Variants in ATRX observed in about 807,000 individuals in gnomAD.
ATRX encodes the protein ATRX chromatin remodeler.
In ATRX, 12 loss-of-function variants were observed where a neutral mutation model predicts 172.6. That is an observed-to-expected ratio of 0.07 (90% CI 0.04 to 0.11). ATRX has a LOEUF of 0.11. ATRX is among the 10% of genes least tolerant of loss of function. The pLI, the probability that ATRX is intolerant of heterozygous loss-of-function variation, is 1.00. For synonymous variants in ATRX, 674 were observed against 594.7 expected (o/e 1.13, Z -1.94); for missense variants, 1,368 against 1,767.4 (o/e 0.77, Z 4.05).
At chrX:77,631,111 T>C (rs994962137) in intron 19 of ATRX, among the ~76,000 whole-genome samples, 16 of 106,003 alleles carry the variant, frequency 1.5e-4, no homozygotes, top group African/African-American at 4.8e-4. Flanking sequence ...AGTAATAAAG[T>C]GCTCAAAGCC....
rs1354608060 is a variant in ATRX at position 77,505,618 on chromosome X, A to G, written c.*2733T>C. ...ATTAAATAACTAAATGTGCAAAAGA[A>G]CCACCATTATATAGGACAACAAAAG... On this transcript the variant is annotated 3_prime_UTR_variant, in exon 35 of 35. Coordinates refer to ENST00000373344, the MANE Select transcript of ATRX (RefSeq NM_000489.6). The G allele has an allele frequency of 1.2e-5, 2 of 172,118 alleles. No homozygotes were observed. The highest frequency in any genetic ancestry group is 5.9e-5 in the African/African-American group (2 of 33,782). The allele number at this position is 172,118 out of a possible 1,213,427, so 14.2% of individuals were successfully genotyped here.
intron 27 of ATRX, among the ~76,000 whole-genome samples, chrX:77,579,238 C>G (rs1053544704): frequency 8.9e-6 from 1 of 112,470 alleles, no homozygotes; most frequent in African/African-American, 3.2e-5. Flanking sequence ...AGGGAAAGAC[C>G]CAGTACTGGC....
chrX:77,684,216 A>G lies in ATRX; in HGVS notation c.1040T>C (p.Ile347Thr). ...GSVTYSYSAL[I>T]VPKEMIKKAK... Reference sequence around the variant, plus strand: ...CTTCTTAATCATCTCTTTGGGCACAATTAGTGCGGAATAAGAGTAGGTTAC... The same window carrying G: ...CTTCTTAATCATCTCTTTGGGCACAGTTAGTGCGGAATAAGAGTAGGTTAC... Residue 347 changes from isoleucine (I) to threonine (T), a missense_variant, in exon 9 of 35, where the codon ATT becomes ACT. Physicochemically the swap from Ile to Thr is moderately conservative, Grantham distance 89 (BLOSUM62 -1). Around this residue, in one of 17 missense-constraint regions of ATRX, gnomAD observed 843 missense variants for 643.1 expected, o/e 1.31. Coordinates refer to ENST00000373344, the MANE Select transcript of ATRX (RefSeq NM_000489.6). The G allele has an allele frequency of 3.3e-6, 4 of 1,211,446 alleles. No individual in the cohort carries two copies. The highest frequency in any genetic ancestry group is 3.4e-6 in the Non-Finnish European group (3 of 895,365).
rs782004945 is a variant in ATRX at position 77,682,493 on chromosome X, G to A, written c.2763C>T (p.Val921=). 17 of 1,209,270 alleles carry A rather than the reference G, an allele frequency of 1.4e-5. No homozygotes were observed. Among genetic ancestry groups the A allele is most frequent in the Admixed American group, 6.6e-5 (3 of 45,684 alleles). Residue 921 remains valine, a synonymous_variant, in exon 9 of 35, where the codon GTC becomes GTT. Transcript: ENST00000373344. ...TCTCCTCTTTCCCAGAAAGCTTATC[G>A]ACACCATCAGTGGAAGCACTTGCTT... ...KQQASASTDG[V]DKLSGKEESF... is the part of the protein sequence containing the mutation.
chrX:77,556,268 AG>A (rs1557058959), intron 30 of ATRX, among the ~76,000 whole-genome samples: 10 of 37,960 alleles, frequency 2.6e-4, no homozygotes, highest in African/African-American at 1.1e-3. Context: ...AGAGGGAGAG[AG>A]GGAGAGAGGG....
intron 15 of ATRX, among the ~76,000 whole-genome samples, chrX:77,647,221 G>A (rs1260599809): frequency 8.9e-6 from 1 of 111,804 alleles, no homozygotes; most frequent in Non-Finnish European, 1.9e-5. Context: ...TGAGACAAAT[G>A]AAAGTTAAAA....
intron 1 of ATRX, among the ~76,000 whole-genome samples, chrX:77,748,384 T>TG (rs1233871348): frequency 9.1e-6 from 1 of 110,460 alleles, no homozygotes; most frequent in Non-Finnish European, 1.9e-5. Flanking sequence ...GTGATTGGGC[T>TG]GGGGGGTGGT....
At chrX:77,693,980 T>G in intron 5 of ATRX, 43 bp from the exon 6 acceptor site, 2 of 1,017,886 alleles carry the variant, frequency 2.0e-6, no homozygotes, top group Non-Finnish European at 2.8e-6. Context: ...ATATTAAATG[T>G]GCAAGTGAAG....
At chrX:77,548,297 T>A (rs1420995945) in intron 30 of ATRX, among the ~76,000 whole-genome samples, 1 of 111,771 alleles carries the variant, frequency 8.9e-6, no homozygotes, top group Non-Finnish European at 1.9e-5. Context: ...CGTTATTTTT[T>A]CTGGTGGTCT....
Position 77,534,068 on chromosome X carries a change from T to C in ATRX, c.6700-10667A>G, listed in dbSNP as rs1304428487. On this transcript the variant is annotated intron_variant, in intron 30 of 34. Transcript: ENST00000373344. Reference sequence around the variant, plus strand: ...TTCTTTATATGATTATGCCAAAAAATTCAAAGACTAAAGATAAGCATGCTT... The same window carrying C: ...TTCTTTATATGATTATGCCAAAAAACTCAAAGACTAAAGATAAGCATGCTT... Among the ~76,000 whole-genome samples the C allele has an allele frequency of 8.0e-5, 9 of 112,048 alleles. No homozygotes were observed. The Admixed American group carries it at 8.6e-4, about 11-fold the overall frequency.
intron 1 of ATRX, among the ~76,000 whole-genome samples, chrX:77,772,537 C>T (rs1463763869): frequency 2.9e-5 from 3 of 104,936 alleles, no homozygotes; most frequent in African/African-American, 6.9e-5. Flanking sequence ...CGGGCAGTGG[C>T]GCCATCTCGG....
chrX:77,509,401 C>T (rs782004950), intron 34 of ATRX, among the ~76,000 whole-genome samples: 1 of 111,870 alleles, frequency 8.9e-6, no homozygotes, highest in African/African-American at 3.3e-5. Context: ...CTCCACTGAT[C>T]GTCCTCCCCG....
rs1282103516 is a variant in ATRX, at chrX:77,507,246, T to C, written c.*1105A>G. On this transcript the variant is annotated 3_prime_UTR_variant, in exon 35 of 35. Coordinates refer to ENST00000373344, the MANE Select transcript of ATRX (RefSeq NM_000489.6). Reference sequence around the variant, plus strand: ...GTAAGGAAACTGGGGTAAAAGAACATGATGATGAGAGAAAAGAAGCGCATA... The same window carrying C: ...GTAAGGAAACTGGGGTAAAAGAACACGATGATGAGAGAAAAGAAGCGCATA... 1.2e-5 allele frequency: 2 copies of C among 170,283 alleles called. No individual in the cohort carries two copies. Among genetic ancestry groups the C allele is most frequent in the Non-Finnish European group, 2.2e-5 (2 of 89,631 alleles). The allele number at this position is 170,283 out of a possible 1,213,427, so 14.0% of individuals were successfully genotyped here. A position where few individuals can be genotyped will look rare whatever the true frequency, so the allele number is the denominator to read the frequency against.
chrX:77,669,059 A>C (rs949425179), intron 10 of ATRX, among the ~76,000 whole-genome samples: 2 of 111,762 alleles, frequency 1.8e-5, no homozygotes, highest in Admixed American at 9.5e-5. Flanking sequence ...GCCATTAACA[A>C]AAGCAATACA....
chrX:77,707,063 A>G (rs2072866944), intron 2 of ATRX, among the ~76,000 whole-genome samples: 2 of 112,902 alleles, frequency 1.8e-5, no homozygotes, highest in African/African-American at 6.4e-5. Flanking sequence ...ATTTTGAGAT[A>G]TACTACAACA....
intron 32 of ATRX, chrX:77,521,743 CA>C (rs1238383976): frequency 3.5e-6 from 1 of 285,116 alleles, no homozygotes; most frequent in African/African-American, 2.7e-5. Context: ...CAGAAGAATC[CA>C]TAAGCACATT....
intron 6 of ATRX, among the ~76,000 whole-genome samples, chrX:77,689,549 A>AAGAC (rs2071769793): frequency 8.9e-6 from 1 of 112,495 alleles, no homozygotes; most frequent in Non-Finnish European, 1.9e-5. Context: ...AAAGACAAAC[A>AAGAC]AGACATTGCA....
chrX:77,702,807 G>C (rs781904357), intron 2 of ATRX, among the ~76,000 whole-genome samples: 2 of 110,886 alleles, frequency 1.8e-5, no homozygotes, highest in African/African-American at 6.6e-5. Flanking sequence ...GCTCACTGCC[G>C]CCTCAAATTC....
chrX:77,615,991 T>A (rs782778381), intron 22 of ATRX: 4 of 753,761 alleles, frequency 5.3e-6, no homozygotes, highest in Non-Finnish European at 4.7e-6. Context: ...AAGACAGACA[T>A]CTTCAGGCAC....
Sources: allele counts gnomAD v4.1 joint callset (sites outside exome capture counted in the v4.1 genomes callset), GRCh38; gene constraint gnomAD v4.1.1; regional missense constraint gnomAD v4.1.1; transcripts MANE v1.5; gene names NCBI Gene and HGNC (gene_info 2026-07-23, HGNC 2026-07-21).